Variants in ARID2 observed in about 807,000 individuals in gnomAD.
ARID2 encodes the protein AT-rich interaction domain 2, also known as AT-rich interactive domain-containing protein 2.
In ARID2, 32 loss-of-function variants were observed where a neutral mutation model predicts 184.6. That is an observed-to-expected ratio of 0.17 (90% confidence interval 0.13 to 0.23). The LOEUF (loss-of-function observed/expected upper bound fraction) is 0.23. Ranked by LOEUF, ARID2 falls within the 10% of genes least tolerant of loss-of-function variation. The pLI is 1.00. For synonymous variants in ARID2, 836 were observed against 772.6 expected (o/e 1.08, Z -1.36); for missense variants, 1,696 against 2,197.6 (o/e 0.77, Z 4.56).
chr12:45,868,764 C>T (rs1416758311), intron 16 of ARID2, among the ~76,000 whole-genome samples: 1 of 152,192 alleles, frequency 6.6e-6, no homozygotes, highest in Non-Finnish European at 1.5e-5. Flanking sequence ...TATACTAATC[C>T]TATAAATGCT....
intron 3 of ARID2, among the ~76,000 whole-genome samples, chr12:45,790,317 A>T (rs1942272296): frequency 6.6e-6 from 1 of 152,082 alleles, no homozygotes; most frequent in Admixed American, 6.6e-5. Context: ...ATGGTTCTGT[A>T]ACTTTAATTT....
chr12:45,853,026 G>A, intron 15 of ARID2, 130 bp downstream of exon 15: 1 of 1,307,698 alleles, frequency 7.6e-7, no homozygotes, highest in South Asian at 2.3e-5. Context: ...TATCCAACCT[G>A]TCCTTTTCTT....
rs2138175048 is a variant in ARID2 at position 45,851,975 on chromosome 12, G to A, written c.3852G>A (p.Lys1284=). ...CAAACACCAGCAATGGGGATACAAA[G>A]GAAAATGAAATGCATGTGGGAAGTC... ...GATNTSNGDT[K]ENEMHVGSLL... is the part of the protein sequence containing the mutation. Residue 1284 remains lysine (K), a synonymous_variant, in exon 15 of 21, where the codon AAG becomes AAA. Transcript: ENST00000334344. The A allele has an allele frequency of 6.2e-7, 1 of 1,614,032 alleles. No homozygotes were observed. Among genetic ancestry groups the A allele is most frequent in the Non-Finnish European group, 8.5e-7 (1 of 1,179,978 alleles).
At chr12:45,807,245 T>C (rs1942618963) in intron 3 of ARID2, among the ~76,000 whole-genome samples, 1 of 152,204 alleles carries the variant, frequency 6.6e-6, no homozygotes, top group Non-Finnish European at 1.5e-5. Flanking sequence ...GAGAAGTGAA[T>C]ATGAGTCCTT....
chr12:45,753,247 G>A (rs1398960434), intron 3 of ARID2, among the ~76,000 whole-genome samples: 1 of 151,878 alleles, frequency 6.6e-6, no homozygotes, highest in East Asian at 1.9e-4. Flanking sequence ...AGTGAGCTAA[G>A]ATTGTGCCAG....
Position 45,904,918 on chromosome 12 carries a change from A to C in ARID2, c.5364-16A>C. The C allele has an allele frequency of 1.2e-6, 2 of 1,611,646 alleles. No homozygotes were observed. The highest frequency in any genetic ancestry group is 1.7e-6 in the Non-Finnish European group (2 of 1,179,178). ...TGACCTTGGAGACTGACAATCTTCT[A>C]TATGTTTTTTTGCAGATTGTTAAAG... On this transcript the variant is annotated splice_polypyrimidine_tract_variant and intron_variant, in intron 20 of 20. Transcript: ENST00000334344.
intron 3 of ARID2, among the ~76,000 whole-genome samples, chr12:45,736,296 G>C (rs1280247760): frequency 2.0e-5 from 3 of 151,898 alleles, no homozygotes; most frequent in Non-Finnish European, 4.4e-5. Context: ...GGCGGAGCTT[G>C]CAGTGAGCCG....
At chr12:45,745,879 TATACTA>T (rs1402909070) in intron 3 of ARID2, among the ~76,000 whole-genome samples, 8 of 152,178 alleles carry the variant, frequency 5.3e-5, no homozygotes, top group African/African-American at 1.7e-4. Context: ...TCTGCTGACT[TATACTA>T]AGAGAGAAAA....
chr12:45,853,258 G>A (rs1307920516), intron 15 of ARID2, among the ~76,000 whole-genome samples: 3 of 152,054 alleles, frequency 2.0e-5, no homozygotes, highest in Non-Finnish European at 2.9e-5. Context: ...ACTCTAAATG[G>A]GGATTTCTGT....
Position 45,837,505 on chromosome 12 carries a change from A to G in ARID2, c.1128A>G (p.Glu376=). 1.9e-5 allele frequency: 31 copies of G among 1,613,846 alleles called. No homozygotes were observed. The highest frequency in any genetic ancestry group is 2.5e-5 in the Non-Finnish European group (30 of 1,179,840). ...RDRFLKMRGM[E]ILGNLCKAED... ...TATTTGTATGTTTTTCAGGCATGGA[A>G]ATTTTGGGAAATCTTTGCAAAGCAG... Residue 376 remains glutamate (E), a synonymous_variant, in exon 10 of 21, where the codon GAA becomes GAG. Coordinates refer to ENST00000334344, the MANE Select transcript of ARID2 (RefSeq NM_152641.4).
At chr12:45,828,832 T>A (rs1341559345) in intron 6 of ARID2, among the ~76,000 whole-genome samples, 1 of 152,012 alleles carries the variant, frequency 6.6e-6, no homozygotes, top group Non-Finnish European at 1.5e-5. Flanking sequence ...ATATTTTGGA[T>A]AAAATTTCTT....
chr12:45,762,585 A>G (rs1941702897), intron 3 of ARID2, among the ~76,000 whole-genome samples: 1 of 152,192 alleles, frequency 6.6e-6, no homozygotes, highest in Admixed American at 6.5e-5. Context: ...GTGCATCCCT[A>G]AAGATGCCCT....
intron 15 of ARID2, among the ~76,000 whole-genome samples, chr12:45,855,260 G>A (rs1315280627): frequency 1.3e-5 from 2 of 152,094 alleles, no homozygotes; most frequent in African/African-American, 4.8e-5. Context: ...AGTTAATTCA[G>A]GCCAAGAAAT....
intron 3 of ARID2, among the ~76,000 whole-genome samples, chr12:45,802,165 T>G (rs1942517277): frequency 1.3e-5 from 2 of 149,306 alleles, no homozygotes; most frequent in Non-Finnish European, 3.0e-5. Flanking sequence ...CTTCCGGGCT[T>G]AAGTGATCCT....
At position 45,851,806 on chromosome 12, in the gene ARID2, C is replaced by T. The variant is rs2138173830; in HGVS notation, c.3683C>T (p.Ser1228Leu). 1.9e-6 allele frequency: 3 copies of T among 1,614,148 alleles called. No homozygotes were observed. Among genetic ancestry groups the T allele is most frequent in the East Asian group, 4.5e-5 (2 of 44,868 alleles). Residue 1228 changes from serine (S) to leucine (L), a missense_variant, in exon 15 of 21, where the codon TCA (serine) becomes TTA (leucine). Coordinates refer to ENST00000334344, the MANE Select transcript of ARID2 (RefSeq NM_152641.4). The stretch of plus-strand genomic sequence containing the variant: ...ACTCAAGCATCTCCTGCTGGACAAT[C>T]ATCATGTACTACTGCTACTCCCCCA... ...PATQASPAGQ[S>L]SCTTATPPFK...
At chr12:45,900,401 A>G (rs1405134818) in intron 20 of ARID2, among the ~76,000 whole-genome samples, 1 of 152,136 alleles carries the variant, frequency 6.6e-6, no homozygotes, top group African/African-American at 2.4e-5. Flanking sequence ...CATGAGTGCC[A>G]TGCTTTTTGC....
Position 45,851,031 on chromosome 12 carries a change from C to A in ARID2, c.2908C>A (p.Pro970Thr), listed in dbSNP as rs1943539070. The A allele has an allele frequency of 6.2e-7, 1 of 1,614,152 alleles. No individual in the cohort carries two copies. Among genetic ancestry groups the A allele is most frequent in the Non-Finnish European group, 8.5e-7 (1 of 1,180,020 alleles). Residue 970 changes from proline (P) to threonine (T), a missense_variant, in exon 15 of 21, where the codon CCA becomes ACA. Physicochemically the swap from Pro to Thr is conservative, Grantham distance 38. Transcript: ENST00000334344. The part of the protein sequence containing the change: ...VQLTGQPNIT[P>T]SSSPSPVPAT... ...GCTAACTGGACAACCTAACATAACT[C>A]CATCTTCTTCACCATCACCTGTCCC...
Position 45,860,950 on chromosome 12 carries a change from GT to G in ARID2, c.4922+2del. ...TGTGTCTGTGGCAGTCTTGTAAAAA[GT>G]AAATGGCAATTTTATTTGATATATA... On this transcript the variant is annotated splice_donor_variant, in intron 16 of 20. Coordinates refer to ENST00000334344, the MANE Select transcript of ARID2 (RefSeq NM_152641.4). LOFTEE classifies it high-confidence loss of function. The G allele has an allele frequency of 6.5e-7, 1 of 1,536,482 alleles. No individual in the cohort carries two copies. Among genetic ancestry groups the G allele is most frequent in the Non-Finnish European group, 8.7e-7 (1 of 1,143,060 alleles).
chr12:45,801,421 A>T (rs1045586794), intron 3 of ARID2, among the ~76,000 whole-genome samples: 7 of 152,146 alleles, frequency 4.6e-5, no homozygotes, highest in Non-Finnish European at 1.0e-4. Context: ...AAGGAACAGG[A>T]TATTTAGACT....
Sources: allele counts gnomAD v4.1 joint callset (sites outside exome capture counted in the v4.1 genomes callset), GRCh38; gene constraint gnomAD v4.1.1; transcripts MANE v1.5; gene names NCBI Gene and HGNC (gene_info 2026-07-23, HGNC 2026-07-21).